Variants in USH2A observed in about 807,000 individuals in gnomAD.
The protein encoded by USH2A is usherin, also known as Usher syndrome 2A (autosomal recessive, mild).
USH2A carries 443 observed loss-of-function variants against 538.9 expected under a neutral mutation model. That is an observed-to-expected ratio of 0.82 (90% CI 0.76 to 0.89). The LOEUF (loss-of-function observed/expected upper bound fraction) is 0.89, where lower values mean the gene tolerates loss of function less well. Among genes scored for constraint, USH2A ranks in the 40% least tolerant of loss-of-function variants. USH2A has a pLI of 0.00. For synonymous variants in USH2A, 2,413 were observed against 2,273.5 expected (o/e 1.06, Z -1.75); for missense variants, 6,633 against 6,324.8 (o/e 1.05, Z -1.65).
intron 34 of USH2A, among the ~76,000 whole-genome samples, chr1:215,996,290 C>A (rs948734138): frequency 2.0e-5 from 3 of 151,958 alleles, no homozygotes; most frequent in Admixed American, 2.0e-4. Flanking sequence ...TATTTTAAAG[C>A]ACGAAGAAAA....
intron 21 of USH2A, among the ~76,000 whole-genome samples, chr1:216,119,801 G>T (rs2033089522): frequency 6.6e-6 from 1 of 152,010 alleles, no homozygotes; most frequent in Non-Finnish European, 1.5e-5. Flanking sequence ...GCCATCTGTT[G>T]GTAGCAGGCA....
chr1:216,164,679 C>G (rs1211195119), intron 21 of USH2A, among the ~76,000 whole-genome samples: 1 of 151,986 alleles, frequency 6.6e-6, no homozygotes, highest in Non-Finnish European at 1.5e-5. Context: ...GTCAGAGGTT[C>G]ACAGAATGAG....
At chr1:216,415,847 T>C (rs965122856) in intron 3 of USH2A, among the ~76,000 whole-genome samples, 11 of 151,998 alleles carry the variant, frequency 7.2e-5, no homozygotes, top group African/African-American at 2.7e-4. Context: ...TTATAACAAC[T>C]TTTGAGTAAT....
chr1:215,669,546 G>GA, intron 64 of USH2A, among the ~76,000 whole-genome samples: 1 of 152,106 alleles, frequency 6.6e-6, no homozygotes. Context: ...TTATAATAAA[G>GA]CAATATTTTT....
At chr1:216,317,918 A>G (rs59583759) in intron 9 of USH2A, among the ~76,000 whole-genome samples, 2,757 of 152,250 alleles carry the variant, frequency 0.018, 87 homozygotes, top group African/African-American at 0.061. Context: ...ACTCTTGCAG[A>G]AAATTAAATT....
Position 215,878,753 on chromosome 1 carries a change from C to T in USH2A, c.8558+11G>A, listed in dbSNP as rs1664834813. Reference sequence around the variant, plus strand: ...TACAGCAACATAAAAATCATAGTCACCTTCTCTTACCTCAAATTAGGTCCA... The same window carrying T: ...TACAGCAACATAAAAATCATAGTCATCTTCTCTTACCTCAAATTAGGTCCA... On this transcript the variant is annotated intron_variant, in intron 42 of 71. Coordinates refer to ENST00000307340, the MANE Select transcript of USH2A (RefSeq NM_206933.4). The T allele has an allele frequency of 6.2e-7, 1 of 1,613,440 alleles. No individual in the cohort carries two copies.
At chr1:215,852,354 C>G (rs183125033) in intron 44 of USH2A, among the ~76,000 whole-genome samples, 51 of 152,170 alleles carry the variant, frequency 3.4e-4, no homozygotes, top group African/African-American at 1.1e-3. Context: ...GGAAAAGACC[C>G]GCCCCCATGA....
chr1:216,170,474 C>A (rs1388621816), intron 21 of USH2A, among the ~76,000 whole-genome samples: 1 of 151,990 alleles, frequency 6.6e-6, no homozygotes, highest in Non-Finnish European at 1.5e-5. Flanking sequence ...GGAATTATAT[C>A]CAGGTGCATG....
chr1:216,311,760 T>C (rs1381488618), intron 9 of USH2A, among the ~76,000 whole-genome samples: 1 of 152,114 alleles, frequency 6.6e-6, no homozygotes, highest in East Asian at 1.9e-4. Flanking sequence ...GAGTTCCAAG[T>C]TGACTTTTAA....
At chr1:215,757,021 C>T (rs1490836575) in intron 58 of USH2A, among the ~76,000 whole-genome samples, 3 of 152,002 alleles carry the variant, frequency 2.0e-5, no homozygotes, top group African/African-American at 7.2e-5. Context: ...TTATATATTT[C>T]CCACAGCAGA....
chr1:216,019,218 A>C (rs35589906), intron 32 of USH2A, among the ~76,000 whole-genome samples: 25,209 of 152,104 alleles, frequency 0.17, 2,254 homozygotes, highest in South Asian at 0.29. Context: ...GAGTGAAGAC[A>C]TTCTGGATGG....
rs201863550 is a variant in USH2A, at chr1:215,879,068, C to T, written c.8254G>A (p.Gly2752Arg). Residue 2752 changes from glycine to arginine, a missense_variant, in exon 42 of 72, where the codon GGA becomes AGA. Physicochemically the swap from Gly to Arg is moderately radical, Grantham distance 125. Transcript: ENST00000307340. Reference protein sequence around the residue: ...VTWKPPLIQNGDILSYEIHMP... With the variant: ...VTWKPPLIQNRDILSYEIHMP... ...TGAATCTCATAGCTAAGTATGTCTC[C>T]GTTCTGGATGAGTGGGGGTTTCCAA... is the stretch of plus-strand genomic sequence containing the variant. 1.5e-5 allele frequency: 24 copies of T among 1,613,866 alleles called. No individual in the cohort carries two copies. The East Asian group carries it at 3.3e-4, about 22-fold the overall frequency.
chr1:216,107,349 T>G (rs1166585244), intron 21 of USH2A, among the ~76,000 whole-genome samples: 1 of 151,856 alleles, frequency 6.6e-6, no homozygotes, highest in African/African-American at 2.4e-5. Context: ...AATTTCTTCT[T>G]AATCAATTGA....
At chr1:216,160,872 TTC>T (rs1462606191) in intron 21 of USH2A, among the ~76,000 whole-genome samples, 2 of 152,116 alleles carry the variant, frequency 1.3e-5, no homozygotes, top group South Asian at 2.1e-4. Flanking sequence ...GATATATTTA[TTC>T]TCTGTTTATT....
intron 41 of USH2A, among the ~76,000 whole-genome samples, chr1:215,882,205 C>T (rs993299876): frequency 4.6e-5 from 7 of 152,120 alleles, no homozygotes; most frequent in Admixed American, 1.3e-4. Context: ...CTCCAGGCCT[C>T]GGAACCCTCA....
chr1:215,706,732 A>C (rs940675545), intron 61 of USH2A, among the ~76,000 whole-genome samples: 1 of 152,226 alleles, frequency 6.6e-6, no homozygotes, highest in African/African-American at 2.4e-5. Context: ...TAATATTGGA[A>C]TTAAATTAAA....
In USH2A at chr1:215,846,015, C is replaced by T. The variant is rs1007201045; in HGVS notation, c.8864G>A (p.Gly2955Asp). 7 of 1,612,328 alleles carry T rather than the reference C, an allele frequency of 4.3e-6. No homozygotes were observed. Among genetic ancestry groups the T allele is most frequent in the Non-Finnish European group, 5.9e-6 (7 of 1,179,130 alleles). The change falls in exon 45 of 72, where the codon GGT (glycine) becomes GAT (aspartate). Residue 2955 changes from glycine (G) to aspartate (D), a missense_variant. Physicochemically the swap from Gly to Asp is moderately conservative, Grantham distance 94. Transcript: ENST00000307340. ...AAAAAGTGTGTAATATTCAACTTCA[C>T]CTTGTAGGTCTTGAACAGCTGTCAA... Reference protein sequence around the residue: ...WAKPTVQDLQGEVEYYTLFWS... With the variant: ...WAKPTVQDLQDEVEYYTLFWS...
intron 47 of USH2A, among the ~76,000 whole-genome samples, chr1:215,826,979 A>G (rs1663176076): frequency 6.6e-6 from 1 of 152,154 alleles, no homozygotes; most frequent in African/African-American, 2.4e-5. Flanking sequence ...ATGGTGGTAC[A>G]TTTGCAGAAG....
chr1:216,062,826 T>C (rs1175162611), intron 30 of USH2A, among the ~76,000 whole-genome samples: 2 of 152,076 alleles, frequency 1.3e-5, no homozygotes, highest in Non-Finnish European at 2.9e-5. Flanking sequence ...GTAATGATCA[T>C]AAACACAATG....
Sources: gnomAD v4.1 joint callset for allele counts (sites outside exome capture counted in the v4.1 genomes callset) on GRCh38, gnomAD v4.1.1 for gene constraint, MANE v1.5 for transcripts, NCBI Gene and HGNC (gene_info 2026-07-23, HGNC 2026-07-21) for gene names.